The following MSRA variants were observed in gnomAD, a reference collection of about 807,000 sequenced individuals.
The protein encoded by MSRA is methionine sulfoxide reductase A, also known as mitochondrial peptide methionine sulfoxide reductase.
In MSRA, 54 loss-of-function variants were observed where a neutral mutation model predicts 31.3. That is an observed-to-expected ratio of 1.73 (90% CI 1.39 to 2.17). MSRA has a LOEUF of 2.17. Among genes scored for constraint, MSRA ranks in the 30% most tolerant of loss-of-function variants. The probability of loss-of-function intolerance (pLI) is 0.00; values close to 1 mark genes in which losing one functional copy is unlikely to be tolerated. For synonymous variants in MSRA, 169 were observed against 116.5 expected (o/e 1.45, Z -2.90); for missense variants, 507 against 300.9 (o/e 1.69, Z -5.07).
intron 1 of MSRA, among the ~76,000 whole-genome samples, chr8:10,166,483 G>A (rs2129044462): frequency 6.6e-6 from 1 of 152,202 alleles, no homozygotes; most frequent in East Asian, 1.9e-4. Flanking sequence ...CTACATATGT[G>A]TGTGCATGCA....
At chr8:10,400,797 G>A (rs146900519) in intron 5 of MSRA, among the ~76,000 whole-genome samples, 1 of 152,340 alleles carries the variant, frequency 6.6e-6, no homozygotes, top group Non-Finnish European at 1.5e-5. Context: ...GGGACAACTG[G>A]ATCTCCAGGT....
intron 1 of MSRA, among the ~76,000 whole-genome samples, chr8:10,153,301 T>G (rs902129378): frequency 4.6e-5 from 7 of 152,272 alleles, no homozygotes; most frequent in Admixed American, 1.3e-4. Flanking sequence ...AAGGAACCTG[T>G]CTTTCTTCCA....
At chr8:10,207,946 C>A in intron 2 of MSRA, 45 bp downstream of exon 2, 1 of 1,505,730 alleles carries the variant, frequency 6.6e-7, no homozygotes, top group East Asian at 2.3e-5. Context: ...TGTGCAAAGA[C>A]TAGTGCCAAA....
At chr8:10,422,424 AAGGCACAGG>A (rs1808868230) in intron 5 of MSRA, among the ~76,000 whole-genome samples, 1 of 152,180 alleles carries the variant, frequency 6.6e-6, no homozygotes, top group African/African-American at 2.4e-5. Flanking sequence ...CAACAGAAGG[AAGGCACAGG>A]AGGCTTCCTG....
intron 1 of MSRA, among the ~76,000 whole-genome samples, chr8:10,124,634 C>A (rs1435516910): frequency 6.6e-6 from 1 of 152,190 alleles, no homozygotes; most frequent in Admixed American, 6.5e-5. Flanking sequence ...GGTTAAATAG[C>A]TAAAATTATT....
chr8:10,363,733 A>C (rs1804989501), intron 5 of MSRA, among the ~76,000 whole-genome samples: 4 of 26,922 alleles, frequency 1.5e-4, no homozygotes. Context: ...AGCAAGATGC[A>C]GTCACCACAC....
At chr8:10,094,777 G>A (rs1169620337) in intron 1 of MSRA, among the ~76,000 whole-genome samples, 2 of 152,158 alleles carry the variant, frequency 1.3e-5, no homozygotes, top group Admixed American at 1.3e-4. Context: ...AAAGCAAACA[G>A]TACTTATTTA....
intron 3 of MSRA, among the ~76,000 whole-genome samples, chr8:10,287,200 A>C (rs111661269): frequency 6.6e-6 from 1 of 152,192 alleles, no homozygotes; most frequent in Non-Finnish European, 1.5e-5. Flanking sequence ...ATTGGTAGCA[A>C]TAATTTAGTA....
chr8:10,237,457 A>C (rs1186994371), intron 2 of MSRA, among the ~76,000 whole-genome samples: 1 of 152,258 alleles, frequency 6.6e-6, no homozygotes, highest in Non-Finnish European at 1.5e-5. Flanking sequence ...AATATGACAA[A>C]ATATTTCCAA....
chr8:10,070,263 TTATGG>T (rs1797664311), intron 1 of MSRA, among the ~76,000 whole-genome samples: 1 of 152,138 alleles, frequency 6.6e-6, no homozygotes, highest in African/African-American at 2.4e-5. Context: ...GGCAGCCGGG[TTATGG>T]TATTGTTAGT....
At chr8:10,270,430 T>C (rs1798970487) in intron 3 of MSRA, among the ~76,000 whole-genome samples, 1 of 151,808 alleles carries the variant, frequency 6.6e-6, no homozygotes, top group Non-Finnish European at 1.5e-5. Context: ...AAAACTATCC[T>C]CTACTAGGTG....
intron 1 of MSRA, among the ~76,000 whole-genome samples, chr8:10,069,420 C>T (rs1269196095): frequency 2.0e-5 from 3 of 152,184 alleles, no homozygotes; most frequent in Admixed American, 2.0e-4. Context: ...TTGTCCTCGT[C>T]CATTCGTGTT....
chr8:10,321,666 G>C (rs995971171), intron 5 of MSRA, among the ~76,000 whole-genome samples: 4 of 152,272 alleles, frequency 2.6e-5, no homozygotes, highest in East Asian at 1.9e-4. Context: ...ATTGTGGCTC[G>C]TATTGTGAAA....
intron 3 of MSRA, among the ~76,000 whole-genome samples, chr8:10,273,253 C>T (rs1476078091): frequency 6.6e-6 from 1 of 152,158 alleles, no homozygotes; most frequent in Non-Finnish European, 1.5e-5. Context: ...TTATTCTACC[C>T]TACCTTAAAA....
chr8:10,281,282 C>T (rs978547554), intron 3 of MSRA, among the ~76,000 whole-genome samples: 2 of 152,230 alleles, frequency 1.3e-5, no homozygotes, highest in Admixed American at 6.5e-5. Context: ...TACTCTCTCT[C>T]ACCTCTCCCT....
intron 2 of MSRA, among the ~76,000 whole-genome samples, chr8:10,231,347 G>A (rs1285991877): frequency 6.6e-6 from 1 of 152,216 alleles, no homozygotes; most frequent in Non-Finnish European, 1.5e-5. Flanking sequence ...GGGACTCCCA[G>A]CTTTTCTGTG....
chr8:10,061,533 A>C (rs536812029), intron 1 of MSRA, among the ~76,000 whole-genome samples: 8 of 152,124 alleles, frequency 5.3e-5, no homozygotes, highest in Admixed American at 3.9e-4. Context: ...GAACTCGCAC[A>C]ATCTGTCTCA....
At chr8:10,373,726 G>A (rs1481117060) in intron 5 of MSRA, among the ~76,000 whole-genome samples, 4 of 152,224 alleles carry the variant, frequency 2.6e-5, no homozygotes, top group Non-Finnish European at 4.4e-5. Flanking sequence ...GGCACGTGCC[G>A]GGGGGCTGGG....
At chr8:10,272,385 G>A (rs370876958) in intron 3 of MSRA, among the ~76,000 whole-genome samples, 5 of 152,204 alleles carry the variant, frequency 3.3e-5, no homozygotes, top group African/African-American at 4.8e-5. Flanking sequence ...TCCAGGAAGA[G>A]CTGATGTTTT....
Sources: gnomAD v4.1 joint callset for allele counts (sites outside exome capture counted in the v4.1 genomes callset) on GRCh38, gnomAD v4.1.1 for gene constraint, MANE v1.5 for transcripts, NCBI Gene and HGNC (gene_info 2026-07-23, HGNC 2026-07-21) for gene names.